Variants in PUM1 observed in about 807,000 individuals in gnomAD.
PUM1 encodes pumilio homolog 1.
Under a neutral mutation model 131.8 loss-of-function variants are expected in PUM1, and 13 were observed. The observed-to-expected ratio is 0.10, with a 90% CI of 0.06 to 0.16. PUM1 has a LOEUF of 0.16. PUM1 is among the 10% of genes least tolerant of loss of function. The pLI is 1.00. For missense variants in PUM1, 961 were observed against 1,512.4 expected, an observed-to-expected ratio of 0.64 and a Z score of 6.05; for synonymous variants, 509 against 556.5, an observed-to-expected ratio of 0.91 and a Z score of 1.20.
intron 2 of PUM1, among the ~76,000 whole-genome samples, chr1:31,054,854 G>A (rs1467610539): frequency 6.6e-6 from 1 of 152,086 alleles, no homozygotes; most frequent in Non-Finnish European, 1.5e-5. Context: ...GTGCCACTTG[G>A]TTGCACAGTT....
chr1:30,983,426 G>A (rs1179306111), intron 7 of PUM1, among the ~76,000 whole-genome samples: 1 of 152,110 alleles, frequency 6.6e-6, no homozygotes, highest in Non-Finnish European at 1.5e-5. Flanking sequence ...GCAAACAAAA[G>A]AATTCATTTC....
At position 31,065,711 on chromosome 1, in the gene PUM1, G is replaced by A; in HGVS notation, c.-107C>T. 6.5e-7 allele frequency: 1 copy of A among 1,548,802 alleles called. No homozygotes were observed. Among genetic ancestry groups the A allele is most frequent in the Non-Finnish European group, 8.7e-7 (1 of 1,146,626 alleles). On this transcript the variant is annotated 5_prime_UTR_variant, in exon 1 of 22. Transcript: ENST00000426105. ...TACCTTTCACTCCGACAACATGGCGGCCCACTGGGGACTGGGTTGGCGCGG... is the reference window on the plus strand; with the variant it reads ...TACCTTTCACTCCGACAACATGGCGACCCACTGGGGACTGGGTTGGCGCGG...
rs1323728251 is a variant in PUM1 at position 30,968,376 on chromosome 1, T to C, written c.1623A>G (p.Gln541=). Residue 541 remains glutamine, a synonymous_variant, in exon 11 of 22, where the codon CAA becomes CAG. Coordinates refer to ENST00000426105, the MANE Select transcript of PUM1 (RefSeq NM_001020658.2). ...AAVNSALAFG[Q]GLAAGMPGYP... is the part of the protein sequence containing the mutation. The stretch of plus-strand genomic sequence containing the variant: ...CACCTGGCATGCCTGCTGCCAGACC[T>C]TGTCCAAATGCAAGGGCAGAATTCA... 6.3e-6 allele frequency: 10 copies of C among 1,586,708 alleles called. No homozygotes were observed. Among genetic ancestry groups the C allele is most frequent in the Non-Finnish European group, 8.6e-6 (10 of 1,165,326 alleles).
In PUM1 at chr1:30,953,835, C is replaced by T. The variant is rs1454411844; in HGVS notation, c.2470G>A (p.Val824Ile). The change falls in exon 15 of 22, where the codon GTC (valine) becomes ATC (isoleucine). Residue 824 changes from valine to isoleucine, a missense_variant. Around this residue, in one of 4 missense-constraint regions of PUM1, gnomAD observed 117 missense variants for 200.7 expected, o/e 0.58. Transcript: ENST00000426105. Reference protein sequence around the residue: ...SSRLRYGMSDVMPSGRSRLLE... With the variant: ...SSRLRYGMSDIMPSGRSRLLE... ...AGCCTGCTCCTGCCAGAAGGCATGA[C>T]ATCAGACATTCCATATCGCAAACGA... 1 of 1,614,224 alleles carries T rather than the reference C, an allele frequency of 6.2e-7. No individual in the cohort carries two copies. The highest frequency in any genetic ancestry group is 8.5e-7 in the Non-Finnish European group (1 of 1,180,040).
rs186414151 is a variant in PUM1, at chr1:31,033,807, T to A, written c.364-4943A>T. Among the ~76,000 whole-genome samples the A allele has an allele frequency of 2.1e-3, 316 of 152,194 alleles. 2 individuals carry two copies. The Middle Eastern group carries it at 0.048, about 23-fold the overall frequency. ...AGAGACACACACCACCACACCCAGC[T>A]AATTGTTTTTAATTTTTTTGTAGAG... is the stretch of plus-strand genomic sequence containing the variant. On this transcript the variant is annotated intron_variant, in intron 2 of 21. Coordinates refer to ENST00000426105, the MANE Select transcript of PUM1 (RefSeq NM_001020658.2).
intron 1 of PUM1, among the ~76,000 whole-genome samples, chr1:31,064,426 A>G (rs188996477): frequency 6.6e-6 from 1 of 152,296 alleles, no homozygotes; most frequent in Non-Finnish European, 1.5e-5. Context: ...TAAAATTAGC[A>G]AAGGGTCAAA....
chr1:30,936,664 C>A lies in PUM1; in HGVS notation c.3414G>T (p.Gln1138His). The change falls in exon 21 of 22, where the codon CAG becomes CAT. Residue 1138 changes from glutamine to histidine, a missense_variant. By Grantham distance (24) the Gln-to-His change is conservative. This residue lies in a region of PUM1 where 178 missense variants were observed against 327.5 expected (regional missense o/e 0.54). Transcript: ENST00000426105. ...QKMIDVAEPG[Q>H]RKIVMHKIRP... Reference sequence around the variant, plus strand: ...CTACCTTATGCATGACGATCTTCCGCTGGCCTGGCTCCGCCACGTCAATCA... The same window carrying A: ...CTACCTTATGCATGACGATCTTCCGATGGCCTGGCTCCGCCACGTCAATCA... 6.2e-7 allele frequency: 1 copy of A among 1,613,924 alleles called. No homozygotes were observed. The highest frequency in any genetic ancestry group is 8.5e-7 in the Non-Finnish European group (1 of 1,179,902).
At chr1:31,009,767 C>CAAAAAA (rs751375199) in intron 3 of PUM1, among the ~76,000 whole-genome samples, 2 of 54,462 alleles carry the variant, frequency 3.7e-5, no homozygotes, top group Admixed American at 2.2e-4. Context: ...GACTCTGTCT[C>CAAAAAA]AAAAAAAAAA....
intron 3 of PUM1, among the ~76,000 whole-genome samples, chr1:31,023,979 G>A (rs924555015): frequency 6.6e-6 from 1 of 150,850 alleles, no homozygotes; most frequent in African/African-American, 2.4e-5. Context: ...TAAATCACAG[G>A]GGGGAAAGTC....
chr1:31,060,120 T>C (rs1157818303), intron 1 of PUM1, among the ~76,000 whole-genome samples: 1 of 146,164 alleles, frequency 6.8e-6, no homozygotes, highest in Non-Finnish European at 1.5e-5. Flanking sequence ...AGTGCTGGGA[T>C]TACAGGCGTG....
At chr1:31,012,552 T>TAAAAAAAAAAAAAAAAAAAAAAAAAA in intron 3 of PUM1, among the ~76,000 whole-genome samples, 1 of 119,186 alleles carries the variant, frequency 8.4e-6, no homozygotes, top group Non-Finnish European at 1.7e-5. Context: ...TTATGAAAAG[T>TAAAAAAAAAAAAAAAAAAAAAAAAAA]AAAAAAAAAA....
chr1:30,966,786 C>G (rs762323375), intron 12 of PUM1, among the ~76,000 whole-genome samples: 1 of 152,232 alleles, frequency 6.6e-6, no homozygotes, highest in South Asian at 2.1e-4. Flanking sequence ...TCTCACTACT[C>G]TTTCCCACGT....
intron 2 of PUM1, among the ~76,000 whole-genome samples, chr1:31,038,408 G>A (rs1419178851): frequency 6.6e-6 from 1 of 152,110 alleles, no homozygotes; most frequent in Non-Finnish European, 1.5e-5. Flanking sequence ...ACTGTTCAAA[G>A]ACCATGGTAG....
rs142029036 is a variant in PUM1 at position 31,011,045 on chromosome 1, C to T, written c.433-3943G>A. The stretch of plus-strand genomic sequence containing the variant: ...TGGTGGCACACCCCTGCAGTCCCAG[C>T]TACTCAGGAGGCTGAGGTGGGAAGA... On this transcript the variant is annotated intron_variant, in intron 3 of 21. Transcript: ENST00000426105. Among the ~76,000 whole-genome samples the T allele has an allele frequency of 2.4e-3, 362 of 152,196 alleles. 2 individuals are homozygous for T. Among genetic ancestry groups the T allele is most frequent in the African/African-American group, 7.8e-3 (325 of 41,518 alleles).
At chr1:30,955,204 C>CT (rs1640104782) in intron 14 of PUM1, among the ~76,000 whole-genome samples, 1 of 151,424 alleles carries the variant, frequency 6.6e-6, no homozygotes, top group Non-Finnish European at 1.5e-5. Context: ...GCCTGTAATC[C>CT]TGACACTTTG....
chr1:30,968,878 A>G (rs1335236744), intron 10 of PUM1, among the ~76,000 whole-genome samples: 1 of 152,240 alleles, frequency 6.6e-6, no homozygotes, highest in African/African-American at 2.4e-5. Flanking sequence ...CAAATGGGCA[A>G]GTGAGACAGA....
chr1:30,933,301 G>C lies in PUM1; in HGVS notation c.3477C>G (p.Gly1159=), dbSNP rs776728031. The change falls in exon 22 of 22, where the codon GGC becomes GGG. Residue 1159 remains glycine, a synonymous_variant. Coordinates refer to ENST00000426105, the MANE Select transcript of PUM1 (RefSeq NM_001020658.2). The part of the protein sequence containing the change: ...HIATLRKYTY[G]KHILAKLEKY... ...TCTCCAGCTTGGCCAGAATGTGCTT[G>C]CCATAGGTGTACTTACGAAGAGTTG... 6 of 1,613,782 alleles carry C rather than the reference G, an allele frequency of 3.7e-6. No homozygotes were observed. Among genetic ancestry groups the C allele is most frequent in the Non-Finnish European group, 5.1e-6 (6 of 1,179,758 alleles).
chr1:31,007,559 C>G (rs1195629313), intron 3 of PUM1, among the ~76,000 whole-genome samples: 1 of 152,190 alleles, frequency 6.6e-6, no homozygotes, highest in Non-Finnish European at 1.5e-5. Context: ...TGAACCTCAG[C>G]TATGGAATGC....
intron 2 of PUM1, among the ~76,000 whole-genome samples, chr1:31,053,124 C>A (rs1158289169): frequency 6.6e-6 from 1 of 151,092 alleles, no homozygotes; most frequent in Non-Finnish European, 1.5e-5. Flanking sequence ...GATTTTCCTG[C>A]CTCTCCTGAG....
Sources: allele counts gnomAD v4.1 joint callset (sites outside exome capture counted in the v4.1 genomes callset), GRCh38; gene constraint gnomAD v4.1.1; regional missense constraint gnomAD v4.1.1; transcripts MANE v1.5; gene names NCBI Gene and HGNC (gene_info 2026-07-23, HGNC 2026-07-21).